Variants in LAMA3 observed in about 807,000 individuals in gnomAD.
LAMA3 encodes laminin subunit alpha-3.
LAMA3 carries 281 observed loss-of-function variants against 402.0 expected under a neutral mutation model. The observed-to-expected ratio is 0.70, with a 90% CI of 0.63 to 0.77. The LOEUF (loss-of-function observed/expected upper bound fraction) is 0.77. LAMA3 is among the 30% of genes least tolerant of loss of function. The pLI is 0.00. For missense variants in LAMA3, 3,840 were observed against 4,215.5 expected, an observed-to-expected ratio of 0.91 and a Z score of 2.47; for synonymous variants, 1,431 against 1,558.4, an observed-to-expected ratio of 0.92 and a Z score of 1.93.
intron 32 of LAMA3, among the ~76,000 whole-genome samples, chr18:23,853,861 T>G (rs2064001980): frequency 6.6e-6 from 1 of 152,216 alleles, no homozygotes; most frequent in Admixed American, 6.5e-5. Flanking sequence ...TCAGCCAGAC[T>G]TTGAAGAGGA....
intron 62 of LAMA3, among the ~76,000 whole-genome samples, chr18:23,927,380 C>T (rs1305166265): frequency 1.3e-5 from 2 of 152,062 alleles, no homozygotes; most frequent in Admixed American, 1.3e-4. Flanking sequence ...TGTTGACCAG[C>T]CTGATCTCGA....
rs115669567 is a variant in LAMA3 at position 23,778,910 on chromosome 18, C to T, written c.1468+1291C>T. ...GACTGGAGGCAGCCTTGGTGATAAG[C>T]GCTGCTGAAAAAACAAGACAGAGAG... On this transcript the variant is annotated intron_variant, in intron 11 of 74. Coordinates refer to ENST00000313654, the MANE Select transcript of LAMA3 (RefSeq NM_198129.4). 1.9e-3 allele frequency among the ~76,000 whole-genome samples: 290 copies of T among 152,194 alleles called. 3 individuals carry two copies. The highest frequency in any genetic ancestry group is 6.3e-3 in the African/African-American group (260 of 41,522).
rs745903388 is a variant in LAMA3 at position 23,750,910 on chromosome 18, C to T, written c.685-8C>T. On this transcript the variant is annotated splice_polypyrimidine_tract_variant and splice_region_variant and intron_variant, in intron 4 of 74. Coordinates refer to ENST00000313654, the MANE Select transcript of LAMA3 (RefSeq NM_198129.4). ...TTTTCCCCCTTTATGTGTGTGTGGT[C>T]ATTTTAGGTTGTGGTGTCCTTGATA... 34 of 1,613,864 alleles carry T rather than the reference C, an allele frequency of 2.1e-5. No homozygotes were observed. The highest frequency in any genetic ancestry group is 1.2e-4 in the South Asian group (11 of 91,048).
intron 12 of LAMA3, among the ~76,000 whole-genome samples, chr18:23,799,689 C>T (rs982234509): frequency 2.0e-5 from 3 of 152,050 alleles, no homozygotes; most frequent in Non-Finnish European, 2.9e-5. Flanking sequence ...CTGTAGTAGC[C>T]AGGGTTCTCT....
chr18:23,747,123 T>G (rs57610320), intron 2 of LAMA3, among the ~76,000 whole-genome samples: 1,982 of 152,208 alleles, frequency 0.013, 46 homozygotes, highest in African/African-American at 0.044. Flanking sequence ...TAATCCTCAC[T>G]CATTAACACA....
rs1329094147 is a variant in LAMA3 at position 23,750,979 on chromosome 18, T to G, written c.746T>G (p.Leu249Arg). 1 of 1,614,160 alleles carries G rather than the reference T, an allele frequency of 6.2e-7. No homozygotes were observed. Among genetic ancestry groups the G allele is most frequent in the Middle Eastern group, 1.6e-4 (1 of 6,062 alleles). ...GAKNFTFSHT[L>R]REFTKATNIR... ...AAAAATTTTACTTTCTCTCACACCCTGAGGGAGTTTACCAAGGCAACAAAC... is the reference window on the plus strand; with the variant it reads ...AAAAATTTTACTTTCTCTCACACCCGGAGGGAGTTTACCAAGGCAACAAAC... Residue 249 changes from leucine to arginine, a missense_variant, in exon 5 of 75, where the codon CTG (leucine) becomes CGG (arginine). Physicochemically the swap from Leu to Arg is moderately radical, Grantham distance 102. This residue lies in a region of LAMA3 where 2,109 missense variants were observed against 2,376.0 expected (regional missense o/e 0.89). Transcript: ENST00000313654.
intron 2 of LAMA3, among the ~76,000 whole-genome samples, chr18:23,741,959 TA>T (rs1380551769): frequency 6.6e-6 from 1 of 152,000 alleles, no homozygotes; most frequent in Non-Finnish European, 1.5e-5. Flanking sequence ...CCATCTCTAC[TA>T]AAAATACAAA....
At chr18:23,884,625 C>G in intron 40 of LAMA3, 148 bp from the exon 41 acceptor site, 1 of 737,900 alleles carries the variant, frequency 1.4e-6, no homozygotes, top group South Asian at 1.6e-5. Flanking sequence ...CTCTCCAAGT[C>G]TTGATGGGCA....
intron 3 of LAMA3, among the ~76,000 whole-genome samples, chr18:23,749,001 T>G (rs2061699948): frequency 6.6e-6 from 1 of 152,208 alleles, no homozygotes; most frequent in Non-Finnish European, 1.5e-5. Flanking sequence ...TTATGCAGAA[T>G]TAGAAACTAA....
chr18:23,873,709 C>A (rs2064609865), intron 38 of LAMA3, among the ~76,000 whole-genome samples: 1 of 152,182 alleles, frequency 6.6e-6, no homozygotes, highest in African/African-American at 2.4e-5. Flanking sequence ...CTTTAAACTT[C>A]CTGGATGCTG....
chr18:23,817,461 G>A (rs1291531858), intron 18 of LAMA3, among the ~76,000 whole-genome samples: 1 of 152,160 alleles, frequency 6.6e-6, no homozygotes, highest in Non-Finnish European at 1.5e-5. Context: ...AGTCAGAGCA[G>A]GCTGGGAGTG....
rs146561386 is a variant in LAMA3, at chr18:23,741,799, C to T, written c.448-6144C>T. Reference sequence around the variant, plus strand: ...TCAATAATAGGACAGCTTGGCTTCACGTGCTTCTTGGTGACATCATGAGAA... The same window carrying T: ...TCAATAATAGGACAGCTTGGCTTCATGTGCTTCTTGGTGACATCATGAGAA... On this transcript the variant is annotated intron_variant, in intron 2 of 74. Transcript: ENST00000313654. Among the ~76,000 whole-genome samples, 489 of 152,236 alleles carry T rather than the reference C, an allele frequency of 3.2e-3. 2 individuals carry two copies. Among genetic ancestry groups the T allele is most frequent in the African/African-American group, 0.011 (468 of 41,524 alleles).
At chr18:23,788,121 G>A (rs535243404) in intron 12 of LAMA3, among the ~76,000 whole-genome samples, 1 of 151,844 alleles carries the variant, frequency 6.6e-6, no homozygotes, top group African/African-American at 2.4e-5. Context: ...GAACTAGAAA[G>A]GATAAATAGA....
intron 52 of LAMA3, among the ~76,000 whole-genome samples, chr18:23,906,521 CTTG>C (rs1364200944): frequency 6.6e-6 from 1 of 152,142 alleles, no homozygotes; most frequent in African/African-American, 2.4e-5. Flanking sequence ...TCTCCAGGCT[CTTG>C]TTGTCATCCA....
intron 21 of LAMA3, among the ~76,000 whole-genome samples, chr18:23,826,411 T>C (rs909485259): frequency 6.6e-6 from 1 of 152,246 alleles, no homozygotes; most frequent in East Asian, 1.9e-4. Context: ...ATTATCTTTG[T>C]TAATTTGTGA....
At chr18:23,934,262 G>A (rs1421898686) in intron 67 of LAMA3, among the ~76,000 whole-genome samples, 1 of 152,102 alleles carries the variant, frequency 6.6e-6, no homozygotes, top group Admixed American at 6.5e-5. Flanking sequence ...GAATATAAGG[G>A]CCATGCTCCT....
In LAMA3 at chr18:23,898,989, C is replaced by T. The variant is rs532734002; in HGVS notation, c.5760C>T (p.Asn1920=). 19 of 1,613,876 alleles carry T rather than the reference C, an allele frequency of 1.2e-5. No homozygotes were observed. The South Asian group carries it at 2.1e-4, about 18-fold the overall frequency. ...ATTCCAGAAAAGCACAAACATTAAA[C>T]AACAATGTTAATCGGGCAACACAAA... ...QVNSRKAQTL[N]NNVNRATQSA... Residue 1920 remains asparagine, a synonymous_variant, in exon 46 of 75, where the codon AAC becomes AAT. Transcript: ENST00000313654.
rs545957031 is a variant in LAMA3, at chr18:23,848,254, GC to G, written c.4136+589del. ...GAGAGCCTGGCCTGAGAGTGGGGCT[GC>G]CCTCAGAGGATCGCTGAGCAGTCCA... On this transcript the variant is annotated intron_variant, in intron 32 of 74. Coordinates refer to ENST00000313654, the MANE Select transcript of LAMA3 (RefSeq NM_198129.4). Among the ~76,000 whole-genome samples the G allele has an allele frequency of 5.2e-4, 79 of 152,290 alleles. No individual in the cohort carries two copies. In the East Asian group the frequency reaches 0.014, roughly 27 times the overall value.
chr18:23,914,035 G>A (rs778160610), intron 56 of LAMA3, among the ~76,000 whole-genome samples: 1 of 152,206 alleles, frequency 6.6e-6, no homozygotes, highest in Non-Finnish European at 1.5e-5. Flanking sequence ...ACAGAGGCAT[G>A]CACAAAGTGT....
Sources: allele counts gnomAD v4.1 joint callset (sites outside exome capture counted in the v4.1 genomes callset), GRCh38; gene constraint gnomAD v4.1.1; regional missense constraint gnomAD v4.1.1; transcripts MANE v1.5; gene names NCBI Gene and HGNC (gene_info 2026-07-23, HGNC 2026-07-21).